The following ABTB2 variants were observed in gnomAD, a reference collection of about 807,000 sequenced individuals.
ABTB2 encodes ankyrin repeat and BTB domain containing 2, also known as ankyrin repeat and BTB/POZ domain-containing protein 2.
A neutral mutation model predicts 104.1 loss-of-function variants in ABTB2; 56 were observed. The observed-to-expected ratio is 0.54, with a 90% CI of 0.43 to 0.67. The LOEUF is 0.67. ABTB2 is among the 30% of genes least tolerant of loss of function. The pLI, the probability that ABTB2 is intolerant of heterozygous loss-of-function variation, is 0.00. For synonymous variants in ABTB2, 606 were observed against 608.2 expected, an observed-to-expected ratio of 1.00 and a Z score of 0.05; for missense variants, 1,279 against 1,407.7, an observed-to-expected ratio of 0.91 and a Z score of 1.46.
rs766661559 is a variant in ABTB2 at position 34,168,790 on chromosome 11, C to T, written c.1564-798G>A. Among the ~76,000 whole-genome samples, 31 of 152,334 alleles carry T rather than the reference C, an allele frequency of 2.0e-4. 1 individual carries two copies. The highest frequency in any genetic ancestry group is 8.5e-4 in the Admixed American group (13 of 15,306). Reference sequence around the variant, plus strand: ...CCTGCAAGCTGAGTCCTGCTGTCTCCCTGGGTTAGGTGGGCAGTTGGCGGG... The same window carrying T: ...CCTGCAAGCTGAGTCCTGCTGTCTCTCTGGGTTAGGTGGGCAGTTGGCGGG... On this transcript the variant is annotated intron_variant, in intron 5 of 16. Coordinates refer to ENST00000435224, the MANE Select transcript of ABTB2 (RefSeq NM_145804.3).
chr11:34,175,669 G>A (rs1852951451), intron 3 of ABTB2, among the ~76,000 whole-genome samples: 2 of 152,146 alleles, frequency 1.3e-5, no homozygotes, highest in South Asian at 4.1e-4. Flanking sequence ...ATATTCCTGG[G>A]TTTGAACCAC....
intron 1 of ABTB2, among the ~76,000 whole-genome samples, chr11:34,315,647 C>A (rs1268854907): frequency 1.3e-5 from 2 of 152,232 alleles, no homozygotes; most frequent in Admixed American, 6.5e-5. Context: ...CGGCGCTGAG[C>A]AGACATGGGC....
chr11:34,229,480 CAAAA>C (rs56906755), intron 1 of ABTB2, among the ~76,000 whole-genome samples: 1 of 86,332 alleles, frequency 1.2e-5, no homozygotes. Flanking sequence ...GACTCCATCT[CAAAA>C]AAAAAAAAAA....
chr11:34,357,246 C>T lies in ABTB2; in HGVS notation c.338G>A (p.Gly113Asp). The T allele has an allele frequency of 6.7e-7, 1 of 1,497,362 alleles. No individual in the cohort carries two copies. The highest frequency in any genetic ancestry group is 8.9e-7 in the Non-Finnish European group (1 of 1,129,346). 92.8% of individuals were successfully genotyped at this position (1,497,362 alleles called of 1,614,324 possible). The part of the protein sequence containing the change: ...DVARVLRKGA[G>D]GRRLPQFSAE... ...GGAGAACTGGGGCAGCCGCCGGCCG[C>T]CAGCGCCTTTGCGGAGCACCCGGGC... Residue 113 changes from glycine (G) to aspartate (D), a missense_variant, in exon 1 of 17, where the codon GGC becomes GAC. By Grantham distance (94) the Gly-to-Asp change is moderately conservative. Coordinates refer to ENST00000435224, the MANE Select transcript of ABTB2 (RefSeq NM_145804.3).
rs544241499 is a variant in ABTB2 at position 34,343,298 on chromosome 11, A to G, written c.883+13403T>C. 1.6e-4 allele frequency among the ~76,000 whole-genome samples: 24 copies of G among 152,298 alleles called. No individual in the cohort carries two copies. The East Asian group carries it at 4.6e-3, about 29-fold the overall frequency. On this transcript the variant is annotated intron_variant, in intron 1 of 16. Coordinates refer to ENST00000435224, the MANE Select transcript of ABTB2 (RefSeq NM_145804.3). ...ACCATCCTAGGTGGGGCGAAAAGAC[A>G]TACTCCAGAACAAGGATGCTTTTAC...
intron 1 of ABTB2, among the ~76,000 whole-genome samples, chr11:34,294,222 C>A (rs1854595109): frequency 6.6e-6 from 1 of 152,074 alleles, no homozygotes; most frequent in African/African-American, 2.4e-5. Context: ...CCCACCCACT[C>A]AGGAGGCTGA....
chr11:34,357,267 C>A lies in ABTB2; in HGVS notation c.317G>T (p.Arg106Leu), dbSNP rs1194888288. 4 of 1,495,996 alleles carry A rather than the reference C, an allele frequency of 2.7e-6. No homozygotes were observed. Among genetic ancestry groups the A allele is most frequent in the Non-Finnish European group, 3.6e-6 (4 of 1,126,336 alleles). 92.7% of individuals were successfully genotyped at this position (1,495,996 alleles called of 1,614,324 possible). A position where few individuals can be genotyped will look rare whatever the true frequency, so the allele number is the denominator to read the frequency against. ...GCCGCCAGCGCCTTTGCGGAGCACC[C>A]GGGCCACGTCTCCTTCGGTCCAGGG... The part of the protein sequence containing the change: ...EFPWTEGDVA[R>L]VLRKGAGGRR... The change falls in exon 1 of 17, where the codon CGG (arginine) becomes CTG (leucine). Residue 106 changes from arginine (R) to leucine (L), a missense_variant. Coordinates refer to ENST00000435224, the MANE Select transcript of ABTB2 (RefSeq NM_145804.3).
chr11:34,213,838 G>A (rs188302758), intron 1 of ABTB2, among the ~76,000 whole-genome samples: 1 of 152,256 alleles, frequency 6.6e-6, no homozygotes, highest in African/African-American at 2.4e-5. Context: ...GCAATGTGGG[G>A]CAGAAAACTA....
At chr11:34,335,667 C>T (rs574365458) in intron 1 of ABTB2, 1 of 1,415,564 alleles carries the variant, frequency 7.1e-7, no homozygotes. Flanking sequence ...TCATCACAAA[C>T]TTGTGTCTTT....
At chr11:34,162,855 T>C (rs1402418257) in intron 9 of ABTB2, 50 bp from the exon 10 acceptor site, 2 of 1,521,032 alleles carry the variant, frequency 1.3e-6, no homozygotes, top group Admixed American at 1.9e-5. Flanking sequence ...CCACAGGCAG[T>C]GCCCACCTGA....
intron 13 of ABTB2, 108 bp from the exon 14 acceptor site, chr11:34,159,494 T>C (rs1288795055): frequency 2.7e-6 from 2 of 735,916 alleles, no homozygotes; most frequent in Non-Finnish European, 4.8e-6. Flanking sequence ...CGGAACATTT[T>C]AAAAATTACT....
intron 3 of ABTB2, among the ~76,000 whole-genome samples, chr11:34,190,778 T>G (rs1853164984): frequency 6.6e-6 from 1 of 152,142 alleles, no homozygotes; most frequent in African/African-American, 2.4e-5. Context: ...AGATATCACT[T>G]GAGAATCACA....
chr11:34,201,373 A>G (rs1373931763), intron 2 of ABTB2, among the ~76,000 whole-genome samples: 2 of 152,192 alleles, frequency 1.3e-5, no homozygotes, highest in Non-Finnish European at 2.9e-5. Context: ...GAGAGTCTGG[A>G]ATTCAACACC....
rs542303591 is a variant in ABTB2, at chr11:34,264,282, G to A, written c.884-59592C>T. Among the ~76,000 whole-genome samples, 5 of 152,268 alleles carry A rather than the reference G, an allele frequency of 3.3e-5. No individual in the cohort carries two copies. In the East Asian group the frequency reaches 9.7e-4, roughly 29 times the overall value. On this transcript the variant is annotated intron_variant, in intron 1 of 16. Transcript: ENST00000435224. ...GCCTCAGTTTCTTCCTCTGTGAGATGGGCTCTTCAATTCACACCATCCCTA... is the reference window on the plus strand; with the variant it reads ...GCCTCAGTTTCTTCCTCTGTGAGATAGGCTCTTCAATTCACACCATCCCTA...
chr11:34,160,257 C>A lies in ABTB2; in HGVS notation c.2494G>T (p.Ala832Ser). The change falls in exon 12 of 17, where the codon GCC becomes TCC. Residue 832 changes from alanine to serine, a missense_variant. Physicochemically the swap from Ala to Ser is moderately conservative, Grantham distance 99. Transcript: ENST00000435224. ...GGGGGCGCGCCTTCACCTAGCCTGGCCGGCAGGGTCTTCCGGATCTCTGGG... is the reference window on the plus strand; with the variant it reads ...GGGGGCGCGCCTTCACCTAGCCTGGACGGCAGGGTCTTCCGGATCTCTGGG... Reference protein sequence around the residue: ...SIPEIRKTLPARLDPHFLNNK... With the variant: ...SIPEIRKTLPSRLDPHFLNNK... 6.2e-7 allele frequency: 1 copy of A among 1,613,782 alleles called. No individual in the cohort carries two copies. Among genetic ancestry groups the A allele is most frequent in the South Asian group, 1.1e-5 (1 of 91,072 alleles).
rs1404493283 is a variant in ABTB2 at position 34,175,395 on chromosome 11, A to G, written c.1245-2088T>C. 3.9e-5 allele frequency among the ~76,000 whole-genome samples: 6 copies of G among 152,238 alleles called. No individual in the cohort carries two copies. In the East Asian group the frequency reaches 9.6e-4, roughly 24 times the overall value. ...AGAACACCTACATTAGCCTACAGTT[A>G]GGCAAGATTATATAAGCCAAAACCT... On this transcript the variant is annotated intron_variant, in intron 3 of 16. Coordinates refer to ENST00000435224, the MANE Select transcript of ABTB2 (RefSeq NM_145804.3).
chr11:34,302,079 T>C (rs138611660), intron 1 of ABTB2, among the ~76,000 whole-genome samples: 103 of 152,338 alleles, frequency 6.8e-4, no homozygotes, highest in Middle Eastern at 3.4e-3. Flanking sequence ...CACGTGTGTG[T>C]ACACCCCCAA....
intron 10 of ABTB2, among the ~76,000 whole-genome samples, chr11:34,161,809 C>CA (rs1291300284): frequency 1.3e-5 from 2 of 152,204 alleles, no homozygotes; most frequent in African/African-American, 4.8e-5. Context: ...CGGCATTCCC[C>CA]AGCGACACAT....
In ABTB2 at chr11:34,208,394, T is replaced by C. The variant is rs1231345897; in HGVS notation, c.884-3704A>G. Among the ~76,000 whole-genome samples, 4 of 152,174 alleles carry C rather than the reference T, an allele frequency of 2.6e-5. No individual in the cohort carries two copies. In the East Asian group the frequency reaches 7.7e-4, roughly 29 times the overall value. ...TTAGAGGGAAGAGGGACAACCGCTT[T>C]GGGACCATGTAAAAGCCACGGAGGG... On this transcript the variant is annotated intron_variant, in intron 1 of 16. Coordinates refer to ENST00000435224, the MANE Select transcript of ABTB2 (RefSeq NM_145804.3).
Sources: gnomAD v4.1 joint callset for allele counts (sites outside exome capture counted in the v4.1 genomes callset) on GRCh38, gnomAD v4.1.1 for gene constraint, MANE v1.5 for transcripts, NCBI Gene and HGNC (gene_info 2026-07-23, HGNC 2026-07-21) for gene names.